Variants in SLC6A15 observed in about 807,000 individuals in gnomAD.
SLC6A15 encodes solute carrier family 6 member 15, also known as sodium-dependent neutral amino acid transporter B(0)AT2.
Under a neutral mutation model 68.5 loss-of-function variants are expected in SLC6A15, and 33 were observed. The observed-to-expected ratio is 0.48, with a 90% confidence interval of 0.37 to 0.64. SLC6A15 has a LOEUF of 0.64. Ranked by LOEUF, SLC6A15 falls within the 30% of genes least tolerant of loss-of-function variation. The probability of loss-of-function intolerance (pLI) is 0.00; values close to 1 mark genes in which losing one functional copy is unlikely to be tolerated. For missense variants in SLC6A15, 747 were observed against 874.3 expected (o/e 0.85, Z 1.84); for synonymous variants, 347 against 301.0 (o/e 1.15, Z -1.58).
chr12:84,900,413 A>C (rs535019392), intron 1 of SLC6A15, among the ~76,000 whole-genome samples: 1 of 152,054 alleles, frequency 6.6e-6, no homozygotes, highest in East Asian at 1.9e-4. Flanking sequence ...ATGATAATTT[A>C]ACTTTCATTT....
chr12:84,864,868 G>A (rs1381207165), intron 10 of SLC6A15, among the ~76,000 whole-genome samples: 2 of 151,928 alleles, frequency 1.3e-5, no homozygotes, highest in South Asian at 2.1e-4. Flanking sequence ...GTTATTACTA[G>A]AACCATAAAC....
chr12:84,898,965 G>A (rs1452656079), intron 1 of SLC6A15, among the ~76,000 whole-genome samples: 1 of 152,166 alleles, frequency 6.6e-6, no homozygotes, highest in Admixed American at 6.6e-5. Flanking sequence ...CTTGAATTCG[G>A]TCCTGCACTG....
intron 8 of SLC6A15, among the ~76,000 whole-genome samples, 177 bp downstream of exon 8, chr12:84,872,425 T>C (rs1871324941): frequency 2.0e-5 from 3 of 152,168 alleles, no homozygotes; most frequent in Non-Finnish European, 4.4e-5. Context: ...TAAGAAAACA[T>C]ATTCTCTAAA....
At chr12:84,912,288 G>GC (rs1286032832) in intron 1 of SLC6A15, among the ~76,000 whole-genome samples, 4 of 152,032 alleles carry the variant, frequency 2.6e-5, no homozygotes, top group Admixed American at 6.6e-5. Flanking sequence ...GCAGCCTGTC[G>GC]CCCCCCACCC....
At chr12:84,868,772 AG>A (rs1165798117) in intron 9 of SLC6A15, among the ~76,000 whole-genome samples, 1 of 152,192 alleles carries the variant, frequency 6.6e-6, no homozygotes, top group African/African-American at 2.4e-5. Flanking sequence ...GTCTTCCAGA[AG>A]GTCTTAGAAA....
intron 5 of SLC6A15, chr12:84,881,799 A>C: frequency 9.3e-6 from 9 of 964,176 alleles, no homozygotes; most frequent in Non-Finnish European, 1.1e-5. Context: ...TTAACCTTTA[A>C]TTCCTCATAA....
intron 8 of SLC6A15, among the ~76,000 whole-genome samples, chr12:84,871,589 A>G (rs928526304): frequency 1.3e-5 from 2 of 152,040 alleles, no homozygotes; most frequent in Non-Finnish European, 2.9e-5. Flanking sequence ...AAAAAAAAAA[A>G]CTTTGAACGG....
intron 1 of SLC6A15, among the ~76,000 whole-genome samples, chr12:84,897,525 T>C (rs1565731688): frequency 2.0e-5 from 3 of 152,012 alleles, no homozygotes; most frequent in Admixed American, 2.0e-4. Flanking sequence ...TAAACACTGA[T>C]AAATTACCAA....
chr12:84,865,377 T>C (rs1871022737), intron 10 of SLC6A15, among the ~76,000 whole-genome samples: 1 of 152,194 alleles, frequency 6.6e-6, no homozygotes, highest in Non-Finnish European at 1.5e-5. Context: ...CCTACCAATA[T>C]ATGTGCATAA....
intron 5 of SLC6A15, chr12:84,883,473 A>C: frequency 5.0e-6 from 6 of 1,188,802 alleles, no homozygotes; most frequent in Non-Finnish European, 5.2e-6. Context: ...ATGATATCAA[A>C]CAAACAAAAT....
intron 10 of SLC6A15, among the ~76,000 whole-genome samples, chr12:84,864,973 T>C (rs1871008074): frequency 6.6e-6 from 1 of 152,184 alleles, no homozygotes; most frequent in African/African-American, 2.4e-5. Context: ...ATAAATAGTG[T>C]TATTCAGGAA....
chr12:84,887,403 A>C (rs1344841355), intron 2 of SLC6A15, among the ~76,000 whole-genome samples: 2 of 152,176 alleles, frequency 1.3e-5, no homozygotes, highest in Non-Finnish European at 2.9e-5. Flanking sequence ...TATTTATCTC[A>C]GCATCTGTTT....
intron 3 of SLC6A15, 79 bp from the exon 4 acceptor site, chr12:84,885,640 A>G: frequency 7.2e-7 from 1 of 1,389,498 alleles, no homozygotes; most frequent in Non-Finnish European, 9.8e-7. Flanking sequence ...ATAAAATTTT[A>G]TTTAACATTT....
At chr12:84,907,417 C>T (rs926991076) in intron 1 of SLC6A15, among the ~76,000 whole-genome samples, 31 of 151,962 alleles carry the variant, frequency 2.0e-4, no homozygotes, top group Non-Finnish European at 4.3e-4. Flanking sequence ...AGAGATATTT[C>T]AATGAATATT....
At chr12:84,891,786 A>G (rs1187163088) in intron 2 of SLC6A15, 46 bp downstream of exon 2, 1 of 1,533,080 alleles carries the variant, frequency 6.5e-7, no homozygotes, top group Non-Finnish European at 8.8e-7. Context: ...TGAGAAACCC[A>G]ATTGCAATTT....
At chr12:84,902,188 CAAAT>C (rs932214663) in intron 1 of SLC6A15, among the ~76,000 whole-genome samples, 4 of 151,792 alleles carry the variant, frequency 2.6e-5, no homozygotes, top group African/African-American at 9.7e-5. Context: ...ACTGAGCTAT[CAAAT>C]AAAAAATTAC....
intron 1 of SLC6A15, among the ~76,000 whole-genome samples, chr12:84,895,339 A>ATTTTTTTTTTTTTTTTTTTTTTTTTT (rs67339994): frequency 1.6e-4 from 9 of 54,784 alleles, no homozygotes; most frequent in East Asian, 5.7e-4. Context: ...TTTTGTTTGT[A>ATTTTTTTTTTTTTTTTTTTTTTTTTT]TTTTTTTTTT....
chr12:84,865,650 G>A (rs1451316959), intron 10 of SLC6A15, among the ~76,000 whole-genome samples: 1 of 152,238 alleles, frequency 6.6e-6, no homozygotes, highest in Non-Finnish European at 1.5e-5. Context: ...GTTAACTGCT[G>A]ATGTTTTTAC....
chr12:84,911,049 G>C (rs1347894177), intron 1 of SLC6A15, among the ~76,000 whole-genome samples: 3 of 152,082 alleles, frequency 2.0e-5, no homozygotes, highest in Non-Finnish European at 4.4e-5. Context: ...GTCAAGCCCA[G>C]TACTGGGCGC....
Sources: gnomAD v4.1 joint callset for allele counts (sites outside exome capture counted in the v4.1 genomes callset) on GRCh38, gnomAD v4.1.1 for gene constraint, MANE v1.5 for transcripts, NCBI Gene and HGNC (gene_info 2026-07-23, HGNC 2026-07-21) for gene names.